KLHL2: variants seen among roughly 807,000 people sequenced by gnomAD.
The protein encoded by KLHL2 is kelch-like protein 2.
KLHL2 carries 15 observed loss-of-function variants against 75.8 expected under a neutral mutation model. That is an observed-to-expected ratio of 0.20 (90% CI 0.13 to 0.30). The LOEUF (loss-of-function observed/expected upper bound fraction) is 0.30. KLHL2 is among the 10% of genes least tolerant of loss of function. The probability of loss-of-function intolerance (pLI) is 1.00; values close to 1 mark genes in which losing one functional copy is unlikely to be tolerated. For synonymous variants in KLHL2, 214 were observed against 251.9 expected (o/e 0.85, Z 1.42); for missense variants, 381 against 741.0 (o/e 0.51, Z 5.64).
At chr4:165,264,743 T>A (rs867738372) in intron 5 of KLHL2, among the ~76,000 whole-genome samples, 1 of 61,738 alleles carries the variant, frequency 1.6e-5, no homozygotes, top group Non-Finnish European at 3.3e-5. Context: ...TATATATGTA[T>A]ATATATATAT....
In KLHL2 at chr4:165,247,277, G is replaced by A. The variant is rs115320646; in HGVS notation, c.381+8378G>A. Among the ~76,000 whole-genome samples the A allele has an allele frequency of 2.6e-3, 393 of 152,276 alleles. 2 individuals are homozygous for A. Among genetic ancestry groups the A allele is most frequent in the Non-Finnish European group, 3.6e-3 (244 of 68,006 alleles). On this transcript the variant is annotated intron_variant, in intron 4 of 14. Transcript: ENST00000226725. ...ACCTTGGGAAAAGCTATGTAGAGGT[G>A]ATGGTGAGAATGAAAACTGGTTTGG...
chr4:165,286,492 C>A (rs201346076), intron 5 of KLHL2, among the ~76,000 whole-genome samples: 1 of 151,778 alleles, frequency 6.6e-6, no homozygotes, highest in Non-Finnish European at 1.5e-5. Flanking sequence ...ATAGTAATAC[C>A]TAGTTTTAGG....
chr4:165,263,578 T>C (rs543177008), intron 5 of KLHL2, among the ~76,000 whole-genome samples: 2 of 151,646 alleles, frequency 1.3e-5, no homozygotes, highest in Admixed American at 6.6e-5. Context: ...GCCTGAATAA[T>C]AGAATAGCTA....
At chr4:165,216,805 G>A (rs149364971) in intron 1 of KLHL2, among the ~76,000 whole-genome samples, 1,637 of 152,292 alleles carry the variant, frequency 0.011, 23 homozygotes, top group African/African-American at 0.035. Flanking sequence ...GTATTTGTAA[G>A]TGACTCTCGG....
chr4:165,249,875 A>T (rs1338323129), intron 4 of KLHL2, among the ~76,000 whole-genome samples: 2 of 152,244 alleles, frequency 1.3e-5, no homozygotes, highest in Non-Finnish European at 2.9e-5. Context: ...CTGTAATCCC[A>T]GCACTTTGGG....
At chr4:165,277,326 A>G (rs2126385665) in intron 5 of KLHL2, among the ~76,000 whole-genome samples, 1 of 152,372 alleles carries the variant, frequency 6.6e-6, no homozygotes, top group South Asian at 2.1e-4. Context: ...GAAAGTCATT[A>G]TAATTAATGG....
intron 4 of KLHL2, among the ~76,000 whole-genome samples, chr4:165,250,495 T>G (rs1358001678): frequency 6.6e-6 from 1 of 152,214 alleles, no homozygotes; most frequent in Non-Finnish European, 1.5e-5. Context: ...CATGGCCCAG[T>G]GGACTTTGGC....
intron 9 of KLHL2, among the ~76,000 whole-genome samples, chr4:165,310,272 C>A (rs1292229969): frequency 6.6e-6 from 1 of 152,170 alleles, no homozygotes. Context: ...TTGCAGTGAG[C>A]TGAGATGGCG....
intron 3 of KLHL2, among the ~76,000 whole-genome samples, chr4:165,233,789 A>G (rs1339596146): frequency 6.6e-6 from 1 of 152,238 alleles, no homozygotes; most frequent in Non-Finnish European, 1.5e-5. Flanking sequence ...ATGGCTCTGA[A>G]AAAAATTAAA....
At position 165,278,330 on chromosome 4, in the gene KLHL2, G is replaced by C. The variant is rs758601264; in HGVS notation, c.544+14971G>C. ...CACTACTGGAATATACAGAATGTCT[G>C]CTTGTAGCTGCATAAGAATTTTGTT... On this transcript the variant is annotated intron_variant, in intron 5 of 14. Transcript: ENST00000226725. 6 of 1,110,954 alleles carry C rather than the reference G, an allele frequency of 5.4e-6. No individual in the cohort carries two copies. In the African/African-American group the frequency reaches 6.1e-5, roughly 11 times the overall value. 68.8% of individuals were successfully genotyped at this position (1,110,954 alleles called of 1,614,324 possible). A position where few individuals can be genotyped will look rare whatever the true frequency, so the allele number is the denominator to read the frequency against.
intron 2 of KLHL2, among the ~76,000 whole-genome samples, chr4:165,226,493 C>G (rs986667106): frequency 1.3e-5 from 2 of 152,192 alleles, no homozygotes; most frequent in Non-Finnish European, 2.9e-5. Flanking sequence ...CCAGCCTTTC[C>G]ATAACATCTT....
At chr4:165,278,455 T>C (rs866690950) in intron 5 of KLHL2, 2 of 1,544,452 alleles carry the variant, frequency 1.3e-6, no homozygotes, top group Non-Finnish European at 1.8e-6. Flanking sequence ...AAACAGCTTC[T>C]AATGCAGCAA....
At chr4:165,298,162 A>G (rs1197515416) in intron 7 of KLHL2, among the ~76,000 whole-genome samples, 2 of 152,076 alleles carry the variant, frequency 1.3e-5, no homozygotes, top group East Asian at 3.9e-4. Flanking sequence ...TTTTGCCCCT[A>G]TTTTTGATTT....
chr4:165,251,903 C>A (rs1445903480), intron 4 of KLHL2, among the ~76,000 whole-genome samples: 2 of 152,188 alleles, frequency 1.3e-5, no homozygotes, highest in African/African-American at 4.8e-5. Context: ...GCCACCGCGC[C>A]CGGCCCCAAA....
At chr4:165,233,968 T>C (rs1159642196) in intron 3 of KLHL2, among the ~76,000 whole-genome samples, 2 of 152,152 alleles carry the variant, frequency 1.3e-5, no homozygotes, top group Non-Finnish European at 2.9e-5. Flanking sequence ...TACCCTTCTA[T>C]CCTCAATAAA....
chr4:165,264,705 T>TATATATATATATATAC (rs1274105246), intron 5 of KLHL2, among the ~76,000 whole-genome samples: 2 of 86,106 alleles, frequency 2.3e-5, no homozygotes, highest in African/African-American at 9.5e-5. Flanking sequence ...TGTGTGTGTG[T>TATATATATATATATAC]ATATATATAT....
intron 5 of KLHL2, among the ~76,000 whole-genome samples, chr4:165,272,272 T>C (rs1742754299): frequency 6.6e-6 from 1 of 152,212 alleles, no homozygotes; most frequent in Non-Finnish European, 1.5e-5. Context: ...CTGTAGTGTG[T>C]AGCACTATTC....
intron 1 of KLHL2, among the ~76,000 whole-genome samples, chr4:165,212,370 G>A (rs936494878): frequency 6.6e-6 from 1 of 152,198 alleles, no homozygotes; most frequent in Non-Finnish European, 1.5e-5. Context: ...TAGCATTCCA[G>A]GGAGAGAGAA....
chr4:165,282,484 C>G (rs984100271), intron 5 of KLHL2, among the ~76,000 whole-genome samples: 17 of 152,048 alleles, frequency 1.1e-4, no homozygotes, highest in Admixed American at 4.6e-4. Flanking sequence ...TTATCCTGTT[C>G]TGTTCTGTCC....
Sources: allele counts gnomAD v4.1 joint callset (sites outside exome capture counted in the v4.1 genomes callset), GRCh38; gene constraint gnomAD v4.1.1; transcripts MANE v1.5; gene names NCBI Gene and HGNC (gene_info 2026-07-23, HGNC 2026-07-21).